Variants in SLC14A2 observed in about 807,000 individuals in gnomAD.
SLC14A2 encodes the protein urea transporter 2.
In SLC14A2, 91 loss-of-function variants were observed where a neutral mutation model predicts 104.6. The observed-to-expected ratio is 0.87, with a 90% confidence interval of 0.73 to 1.04. The LOEUF (loss-of-function observed/expected upper bound fraction) is 1.04. Ranked by LOEUF, SLC14A2 falls within the 50% of genes least tolerant of loss-of-function variation. The pLI is 0.00. For missense variants in SLC14A2, 1,189 were observed against 1,156.0 expected, an observed-to-expected ratio of 1.03 and a Z score of -0.41; for synonymous variants, 476 against 466.4, an observed-to-expected ratio of 1.02 and a Z score of -0.27.
At chr18:45,179,195 A>T in the SLC14A2 span, among the ~76,000 whole-genome samples, 1 of 152,126 alleles carries the variant, frequency 6.6e-6, no homozygotes, top group African/African-American at 2.4e-5. Context: ...CAGGCCCTTC[A>T]TCAATTTCTA....
At chr18:45,290,013 A>G (rs1488269695) in intron 1 of SLC14A2, among the ~76,000 whole-genome samples, 1 of 152,202 alleles carries the variant, frequency 6.6e-6, no homozygotes, top group Non-Finnish European at 1.5e-5. Flanking sequence ...CAGACCTTCA[A>G]TTGCCAAGAT....
At chr18:45,188,493 C>A in the SLC14A2 span, among the ~76,000 whole-genome samples, 2 of 152,240 alleles carry the variant, frequency 1.3e-5, no homozygotes, top group East Asian at 3.9e-4. Context: ...AAGCATGCTC[C>A]TAGAATTCCC....
chr18:45,474,165 T>C (rs1237877534), intron 1 of SLC14A2, among the ~76,000 whole-genome samples: 4 of 152,246 alleles, frequency 2.6e-5, no homozygotes, highest in Non-Finnish European at 2.9e-5. Flanking sequence ...ATTCTGTTTA[T>C]GTGATGGATT....
intron 1 of SLC14A2, among the ~76,000 whole-genome samples, chr18:45,480,307 C>A (rs2144695043): frequency 6.6e-6 from 1 of 152,158 alleles, no homozygotes; most frequent in East Asian, 1.9e-4. Context: ...GTATTATTTT[C>A]TTTCTTTTCT....
rs187507568 is a variant in SLC14A2 at position 45,580,009 on chromosome 18, G to C, written c.-34-44622G>C. ...AAGCCTTGAGGTTGCCTTGAAACAA[G>C]TATGGGACATAGGAGGGAGAGATGG... On this transcript the variant is annotated intron_variant, in intron 2 of 20. Coordinates refer to the SLC14A2 transcript ENST00000586448. Among the ~76,000 whole-genome samples, 946 of 152,336 alleles carry C rather than the reference G, an allele frequency of 6.2e-3. 8 individuals carry two copies. The highest frequency in any genetic ancestry group is 0.011 in the South Asian group (53 of 4,824).
At chr18:45,338,289 CT>C (rs2085356257) in intron 1 of SLC14A2, among the ~76,000 whole-genome samples, 1 of 152,092 alleles carries the variant, frequency 6.6e-6, no homozygotes, top group South Asian at 2.1e-4. Flanking sequence ...CAAGCTCCGC[CT>C]CCTGGGTTCA....
intron 1 of SLC14A2, among the ~76,000 whole-genome samples, chr18:45,312,106 G>A (rs903661262): frequency 1.6e-4 from 25 of 152,150 alleles, no homozygotes; most frequent in African/African-American, 6.0e-4. Flanking sequence ...GTGTGACTAT[G>A]GGGAAGTTAT....
At chr18:45,484,422 T>A (rs1163360863) in intron 2 of SLC14A2, among the ~76,000 whole-genome samples, 5 of 152,184 alleles carry the variant, frequency 3.3e-5, no homozygotes, top group Non-Finnish European at 5.9e-5. Flanking sequence ...TCAGGAAAGA[T>A]CATAGCATTA....
intron 1 of SLC14A2, among the ~76,000 whole-genome samples, chr18:45,260,739 T>C (rs964005867): frequency 2.6e-5 from 4 of 152,178 alleles, no homozygotes; most frequent in African/African-American, 9.6e-5. Flanking sequence ...TTTACTGGCA[T>C]TTGTTGTAGA....
At chr18:45,443,557 T>A (rs2086715578) in intron 1 of SLC14A2, among the ~76,000 whole-genome samples, 1 of 151,884 alleles carries the variant, frequency 6.6e-6, no homozygotes, top group Admixed American at 6.6e-5. Flanking sequence ...GCCATCTTGA[T>A]TTACACAGAA....
intron 2 of SLC14A2, among the ~76,000 whole-genome samples, chr18:45,544,761 T>C (rs997999258): frequency 1.3e-5 from 2 of 150,566 alleles, no homozygotes; most frequent in African/African-American, 4.9e-5. Context: ...ATTCATGTGA[T>C]TATATATATA....
At chr18:45,435,328 C>T (rs1277139031) in intron 1 of SLC14A2, 1 of 152,068 alleles carries the variant, frequency 6.6e-6, no homozygotes, top group African/African-American at 2.4e-5. Context: ...TAGCCCAACT[C>T]AAAGGCAAAG....
chr18:45,583,030 T>TC (rs770760650), intron 2 of SLC14A2, among the ~76,000 whole-genome samples: 1 of 152,220 alleles, frequency 6.6e-6, no homozygotes, highest in Non-Finnish European at 1.5e-5. Context: ...ACATGAGGCT[T>TC]CAAGGTTAGA....
intron 1 of SLC14A2, among the ~76,000 whole-genome samples, chr18:45,297,867 T>A (rs7228782): frequency 0.17 from 25,788 of 152,144 alleles, 2,235 homozygotes; most frequent in Middle Eastern, 0.19. Context: ...ATGGTTTGGC[T>A]GCTGGGTATG....
intron 1 of SLC14A2, among the ~76,000 whole-genome samples, chr18:45,273,850 CTG>C (rs76717901): frequency 0.038 from 5,757 of 152,150 alleles, 233 homozygotes; most frequent in East Asian, 0.09. Flanking sequence ...TCTCTGGACT[CTG>C]TGTGAGCATC....
chr18:45,532,182 G>A (rs1404164317), intron 2 of SLC14A2, among the ~76,000 whole-genome samples: 7 of 152,006 alleles, frequency 4.6e-5, no homozygotes, highest in East Asian at 1.9e-4. Context: ...TTGGCAGTGC[G>A]GGCTCTTTTT....
chr18:45,624,908 TAGCA>T, intron 2 of SLC14A2, 94 bp downstream of exon 2: 1 of 1,296,594 alleles, frequency 7.7e-7, no homozygotes. Context: ...CCAGTGAACT[TAGCA>T]CACTGAGGAA....
At chr18:45,200,915 A>G in the SLC14A2 span, among the ~76,000 whole-genome samples, 2 of 152,040 alleles carry the variant, frequency 1.3e-5, no homozygotes, top group African/African-American at 4.8e-5. Context: ...TTATACTTTT[A>G]TTAGTGTTTA....
intron 2 of SLC14A2, among the ~76,000 whole-genome samples, chr18:45,603,548 T>G (rs1378943185): frequency 6.6e-6 from 1 of 152,210 alleles, no homozygotes; most frequent in Non-Finnish European, 1.5e-5. Flanking sequence ...TCTCTAGGGT[T>G]ACAATCAGGG....
Sources: gnomAD v4.1 joint callset for allele counts (sites outside exome capture counted in the v4.1 genomes callset) on GRCh38, gnomAD v4.1.1 for gene constraint, MANE v1.5 for transcripts, NCBI Gene and HGNC (gene_info 2026-07-23, HGNC 2026-07-21) for gene names.